Variants in ELK4 observed in about 807,000 individuals in gnomAD.
ELK4 encodes ETS domain-containing protein Elk-4.
Under a neutral mutation model 29.6 loss-of-function variants are expected in ELK4, and 16 were observed. The observed-to-expected ratio is 0.54, with a 90% CI of 0.37 to 0.82. The LOEUF (loss-of-function observed/expected upper bound fraction) is 0.82. Among genes scored for constraint, ELK4 ranks in the 40% least tolerant of loss-of-function variants. ELK4 has a pLI of 0.00. For synonymous variants in ELK4, 213 were observed against 191.1 expected (o/e 1.11, Z -0.95); for missense variants, 465 against 507.1 (o/e 0.92, Z 0.80).
chr1:205,620,261 T>C lies in ELK4; in HGVS notation c.785A>G (p.Gln262Arg), dbSNP rs1286528152. ...TGGTGAAGGTGTTCTGGGAGGTTCC[T>C]GCAAAGGGGGTATGGACGAAATGGG... ...TPPISSIPPL[Q>R]EPPRTPSPPL... Residue 262 changes from glutamine (Q) to arginine (R), a missense_variant, in exon 3 of 5, where the codon CAG (glutamine) becomes CGG (arginine). Transcript: ENST00000357992. The C allele has an allele frequency of 2.5e-6, 4 of 1,614,124 alleles. No homozygotes were observed. The highest frequency in any genetic ancestry group is 2.2e-5 in the South Asian group (2 of 91,074).
At chr1:205,621,473 A>T (rs1021638983) in intron 2 of ELK4, among the ~76,000 whole-genome samples, 1 of 152,174 alleles carries the variant, frequency 6.6e-6, no homozygotes, top group South Asian at 2.1e-4. Flanking sequence ...GTCTCAAACA[A>T]TTCCAAAGGT....
rs1390160247 is a variant in ELK4, at chr1:205,610,886, C to A, written c.*5660G>T. ...TGGAAAAAGAAATGGTCTAGTCTCC[C>A]AATTAAATATTTCAAAGTAAAGTTT... On this transcript the variant is annotated 3_prime_UTR_variant, in exon 5 of 5. Transcript: ENST00000357992. The A allele has an allele frequency of 4.4e-6, 1 of 228,876 alleles. No individual in the cohort carries two copies. The highest frequency in any genetic ancestry group is 5.7e-5 in the Admixed American group (1 of 17,628). 14.2% of individuals were successfully genotyped at this position (228,876 alleles called of 1,614,324 possible).
intron 1 of ELK4, chr1:205,625,547 T>C: frequency 1.2e-6 from 1 of 816,586 alleles, no homozygotes; most frequent in Non-Finnish European, 2.2e-6. Context: ...GCAAGAAGAC[T>C]GGAAAGAAAT....
rs1181377162 is a variant in ELK4 at position 205,620,291 on chromosome 1, G to A, written c.755C>T (p.Thr252Ile). The change falls in exon 3 of 5, where the codon ACA becomes ATA. Residue 252 changes from threonine (T) to isoleucine (I), a missense_variant. Thr to Ile is a moderately conservative substitution (Grantham distance 89, BLOSUM62 -1). Around this residue, in one of 2 missense-constraint regions of ELK4, gnomAD observed 385 missense variants for 387.5 expected, o/e 0.99. Transcript: ENST00000357992. ...AGGGGGTATGGACGAAATGGGTGGT[G>A]TGGTGGCAAAAGCAGTCATTACGTT... Reference protein sequence around the residue: ...ASNVMTAFATTPPISSIPPLQ... With the variant: ...ASNVMTAFATIPPISSIPPLQ... The A allele has an allele frequency of 6.2e-7, 1 of 1,614,230 alleles. No individual in the cohort carries two copies. The highest frequency in any genetic ancestry group is 8.5e-7 in the Non-Finnish European group (1 of 1,180,042).
intron 4 of ELK4, among the ~76,000 whole-genome samples, chr1:205,617,965 A>ATGTGTGTGTGTGTGTGTG (rs71773934): frequency 6.8e-6 from 1 of 147,602 alleles, no homozygotes; most frequent in East Asian, 2.0e-4. Context: ...TCCCCCATAT[A>ATGTGTGTGTGTGTGTGTG]TGTGTGTGTG....
Position 205,620,119 on chromosome 1 carries a change from T to A in ELK4, c.927A>T (p.Glu309Asp). 6.2e-7 allele frequency: 1 copy of A among 1,614,230 alleles called. No homozygotes were observed. The highest frequency in any genetic ancestry group is 1.1e-5 in the South Asian group (1 of 91,088). ...TTGATGAATTATTTACTTTGTCCTTTTCTAGCAAGACTGAATCCTGGTCTT... is the reference window on the plus strand; with the variant it reads ...TTGATGAATTATTTACTTTGTCCTTATCTAGCAAGACTGAATCCTGGTCTT... Reference protein sequence around the residue: ...EPKDQDSVLLEKDKVNNSSRS... With the variant: ...EPKDQDSVLLDKDKVNNSSRS... The change falls in exon 3 of 5, where the codon GAA (glutamate) becomes GAT (aspartate). Residue 309 changes from glutamate (E) to aspartate (D), a missense_variant. Physicochemically the swap from Glu to Asp is conservative, Grantham distance 45. Around this residue, in one of 2 missense-constraint regions of ELK4, gnomAD observed 385 missense variants for 387.5 expected, o/e 0.99. Transcript: ENST00000357992.
At position 205,615,572 on chromosome 1, in the gene ELK4, A is replaced by C. The variant is rs1001737153; in HGVS notation, c.*974T>G. The C allele has an allele frequency of 1.6e-5, 3 of 192,528 alleles. No homozygotes were observed. Among genetic ancestry groups the C allele is most frequent in the Non-Finnish European group, 3.3e-5 (3 of 92,248 alleles). 11.9% of individuals were successfully genotyped at this position (192,528 alleles called of 1,614,324 possible). ...AAAATGAGGTAAAATGAACAGGAAA[A>C]AGACAGGTCCTTCACTTGGTTATCT... On this transcript the variant is annotated 3_prime_UTR_variant, in exon 5 of 5. Transcript: ENST00000357992.
intron 1 of ELK4, among the ~76,000 whole-genome samples, chr1:205,630,964 A>AT (rs1385533967): frequency 6.6e-6 from 1 of 152,246 alleles, no homozygotes; most frequent in African/African-American, 2.4e-5. Context: ...AAATAGCAAT[A>AT]GCTGGAGAAA....
intron 3 of ELK4, chr1:205,619,638 ACT>A: frequency 7.5e-7 from 1 of 1,337,682 alleles, no homozygotes; most frequent in South Asian, 2.1e-5. Flanking sequence ...TGAGATTATC[ACT>A]GTTTGTTTTA....
At position 205,615,211 on chromosome 1, in the gene ELK4, T is replaced by C; in HGVS notation, c.*1335A>G. On this transcript the variant is annotated 3_prime_UTR_variant, in exon 5 of 5. Transcript: ENST00000357992. ...ATCAAGACCATCCTGGCCAACATGG[T>C]GAAACCCCGTCTCTACTAAAAATAC... The C allele has an allele frequency of 5.9e-6, 1 of 168,440 alleles. No individual in the cohort carries two copies. The highest frequency in any genetic ancestry group is 2.0e-4 in the South Asian group (1 of 4,936). The allele number at this position is 168,440 out of a possible 1,614,324, so 10.4% of individuals were successfully genotyped here. A position where few individuals can be genotyped will look rare whatever the true frequency, so the allele number is the denominator to read the frequency against.
At position 205,611,967 on chromosome 1, in the gene ELK4, T is replaced by C. The variant is rs117257599; in HGVS notation, c.*4579A>G. The C allele has an allele frequency of 1.2e-3, 228 of 186,508 alleles. 3 individuals carry two copies. In the East Asian group the frequency reaches 0.018, roughly 15 times the overall value. The allele number at this position is 186,508 out of a possible 1,614,324, so 11.6% of individuals were successfully genotyped here. A position where few individuals can be genotyped will look rare whatever the true frequency, so the allele number is the denominator to read the frequency against. The stretch of plus-strand genomic sequence containing the variant: ...TGCAGCAAGAAAATGTAACTTGTTA[T>C]ATATTTTAACATAAAGCAACTTGAA... On this transcript the variant is annotated 3_prime_UTR_variant, in exon 5 of 5. Transcript: ENST00000357992.
intron 4 of ELK4, among the ~76,000 whole-genome samples, chr1:205,617,922 C>A (rs2102376705): frequency 6.6e-6 from 1 of 151,468 alleles, no homozygotes; most frequent in South Asian, 2.1e-4. Context: ...TTTTTTTAAT[C>A]TTTAATTAAA....
chr1:205,629,222 G>T (rs1431246837), intron 1 of ELK4, among the ~76,000 whole-genome samples: 1 of 150,674 alleles, frequency 6.6e-6, no homozygotes, highest in Admixed American at 6.6e-5. Context: ...GTTTTAGACT[G>T]AAGTATTAGA....
intron 4 of ELK4, among the ~76,000 whole-genome samples, chr1:205,618,023 G>A (rs1330673825): frequency 6.6e-6 from 1 of 151,850 alleles, no homozygotes; most frequent in Non-Finnish European, 1.5e-5. Flanking sequence ...GAGAGTGTGT[G>A]TGTGTGGATT....
rs996577492 is a variant in ELK4 at position 205,609,552 on chromosome 1, G to A, written c.*6994C>T. The stretch of plus-strand genomic sequence containing the variant: ...TGTCAATTTCACTAATACTGAACAG[G>A]GAAGTTCATAAAAATGCTACTCTAC... On this transcript the variant is annotated 3_prime_UTR_variant, in exon 5 of 5. Coordinates refer to ENST00000357992, the MANE Select transcript of ELK4 (RefSeq NM_001973.4). 3 of 195,658 alleles carry A rather than the reference G, an allele frequency of 1.5e-5. No individual in the cohort carries two copies. Among genetic ancestry groups the A allele is most frequent in the Non-Finnish European group, 3.2e-5 (3 of 94,238 alleles). 12.1% of individuals were successfully genotyped at this position (195,658 alleles called of 1,614,324 possible).
rs967309330 is a variant in ELK4, at chr1:205,610,203, T to C, written c.*6343A>G. The C allele has an allele frequency of 1.7e-5, 4 of 231,464 alleles. No homozygotes were observed. Among genetic ancestry groups the C allele is most frequent in the Non-Finnish European group, 3.4e-5 (4 of 116,970 alleles). The allele number at this position is 231,464 out of a possible 1,614,324, so 14.3% of individuals were successfully genotyped here. A position where few individuals can be genotyped will look rare whatever the true frequency, so the allele number is the denominator to read the frequency against. On this transcript the variant is annotated 3_prime_UTR_variant, in exon 5 of 5. Coordinates refer to ENST00000357992, the MANE Select transcript of ELK4 (RefSeq NM_001973.4). ...CCCCATCCAGAAGATCCCAGGCCTA[T>C]GTGAGCATGACTCACAATCCTTGGA...
At chr1:205,616,915 G>A (rs932747347) in intron 4 of ELK4, among the ~76,000 whole-genome samples, 1 of 152,100 alleles carries the variant, frequency 6.6e-6, no homozygotes, top group African/African-American at 2.4e-5. Flanking sequence ...CATATCCTAA[G>A]GTACACAGGT....
intron 3 of ELK4, 140 bp from the exon 4 acceptor site, chr1:205,619,213 C>T (rs767275005): frequency 4.0e-4 from 452 of 1,122,526 alleles, no homozygotes; most frequent in Non-Finnish European, 4.8e-4. Flanking sequence ...ATTATCATGA[C>T]AAAACTCAAA....
At chr1:205,622,294 T>C (rs529930962) in intron 2 of ELK4, among the ~76,000 whole-genome samples, 12 of 152,342 alleles carry the variant, frequency 7.9e-5, no homozygotes, top group Middle Eastern at 3.4e-3. Flanking sequence ...TATAAACAGC[T>C]ACTACTTAAG....
Sources: allele counts gnomAD v4.1 joint callset (sites outside exome capture counted in the v4.1 genomes callset), GRCh38; gene constraint gnomAD v4.1.1; regional missense constraint gnomAD v4.1.1; transcripts MANE v1.5; gene names NCBI Gene and HGNC (gene_info 2026-07-23, HGNC 2026-07-21).